TRMO: variants seen among roughly 807,000 people sequenced by gnomAD.
TRMO encodes the protein tRNA methyltransferase O.
A neutral mutation model predicts 37.2 loss-of-function variants in TRMO; 30 were observed. The observed-to-expected ratio is 0.81, with a 90% confidence interval of 0.60 to 1.09. The LOEUF is 1.09. Among genes scored for constraint, TRMO ranks in the 50% least tolerant of loss-of-function variants. The pLI is 0.00. For missense variants in TRMO, 552 were observed against 549.5 expected (o/e 1.00, Z -0.05); for synonymous variants, 239 against 199.4 (o/e 1.20, Z -1.67).
intron 3 of TRMO, chr9:97,911,533 G>C (rs1469193215): frequency 6.6e-6 from 1 of 152,240 alleles, no homozygotes; most frequent in Non-Finnish European, 1.5e-5. Flanking sequence ...AGTCTAGTGA[G>C]ACCTAAGCAG....
the TRMO span, among the ~76,000 whole-genome samples, chr9:97,899,215 C>T: frequency 3.3e-5 from 4 of 120,782 alleles, no homozygotes; most frequent in South Asian, 2.6e-4. Flanking sequence ...GAAGAGAAAG[C>T]GTACTAAAAA....
intron 1 of TRMO, among the ~76,000 whole-genome samples, chr9:97,921,423 ATTTTT>A (rs1205049397): frequency 1.4e-5 from 2 of 140,254 alleles, no homozygotes; most frequent in Non-Finnish European, 3.1e-5. Context: ...CAAAGTGTTA[ATTTTT>A]TTTTTTTTTT....
At chr9:97,919,139 A>C (rs1444767877) in intron 1 of TRMO, among the ~76,000 whole-genome samples, 2 of 152,080 alleles carry the variant, frequency 1.3e-5, no homozygotes, top group African/African-American at 2.4e-5. Context: ...TTTAATCCTC[A>C]TCCATGCTTC....
downstream of TRMO, among the ~76,000 whole-genome samples, chr9:97,902,239 T>C (rs918102415): frequency 2.6e-5 from 4 of 152,224 alleles, no homozygotes; most frequent in Non-Finnish European, 4.4e-5. Context: ...AGTGGGAACA[T>C]TGAAGAGACT....
intron 2 of TRMO, among the ~76,000 whole-genome samples, chr9:97,915,398 G>C (rs1366019702): frequency 6.6e-6 from 1 of 152,194 alleles, no homozygotes; most frequent in Non-Finnish European, 1.5e-5. Flanking sequence ...TGCTGCTATA[G>C]CACGAAAGCA....
chr9:97,902,493 G>T (rs951580587), downstream of TRMO, among the ~76,000 whole-genome samples: 11 of 152,118 alleles, frequency 7.2e-5, no homozygotes, highest in Non-Finnish European at 1.2e-4. Flanking sequence ...GTAGAGGTAG[G>T]GTTTCACCAT....
chr9:97,911,771 A>G (rs984874331), intron 3 of TRMO: 1 of 152,162 alleles, frequency 6.6e-6, no homozygotes, highest in African/African-American at 2.4e-5. Context: ...GATGCTGTCC[A>G]GTTACTGCTA....
chr9:97,910,235 G>A lies in TRMO; in HGVS notation c.791C>T (p.Ser264Phe). 2 of 1,614,180 alleles carry A rather than the reference G, an allele frequency of 1.2e-6. No individual in the cohort carries two copies. Among genetic ancestry groups the A allele is most frequent in the East Asian group, 2.2e-5 (1 of 44,888 alleles). The change falls in exon 4 of 5, where the codon TCC becomes TTC. Residue 264 changes from serine to phenylalanine, a missense_variant. By Grantham distance (155) the Ser-to-Phe change is radical. Coordinates refer to ENST00000375119, the MANE Select transcript of TRMO (RefSeq NM_016481.5). Reference sequence around the variant, plus strand: ...GCCAATTTGTTCTTCTGCCACGCTGGAACTCTGATCACGTCTTGATTCCAA... The same window carrying A: ...GCCAATTTGTTCTTCTGCCACGCTGAAACTCTGATCACGTCTTGATTCCAA... ...FGLESRRDQS[S>F]SVAEEQIGPY...
chr9:97,913,349 T>C (rs757769754), intron 3 of TRMO, 52 bp downstream of exon 3: 3 of 1,610,274 alleles, frequency 1.9e-6, no homozygotes, highest in Non-Finnish European at 2.5e-6. Flanking sequence ...GTTTATTTTA[T>C]AAGGCTTTTT....
chr9:97,898,119 CT>C, the TRMO span, among the ~76,000 whole-genome samples: 4 of 152,168 alleles, frequency 2.6e-5, no homozygotes, highest in Non-Finnish European at 5.9e-5. Context: ...CCCCCCTCCA[CT>C]GAAAAACAGA....
chr9:97,908,337 G>A (rs1181987464), intron 4 of TRMO, among the ~76,000 whole-genome samples: 12 of 151,378 alleles, frequency 7.9e-5, no homozygotes, highest in African/African-American at 1.7e-4. Flanking sequence ...GTGTGAACCC[G>A]GGAGGCGGAG....
At chr9:97,898,323 G>T in the TRMO span, among the ~76,000 whole-genome samples, 22 of 152,120 alleles carry the variant, frequency 1.4e-4, no homozygotes, top group Admixed American at 1.3e-4. Flanking sequence ...GACTTACCTA[G>T]ATCAGGAAAC....
rs777707868 is a variant in TRMO at position 97,910,350 on chromosome 9, T to C, written c.676A>G (p.Thr226Ala). ...KRKPKCPEDR[T>A]SEENYLTHSD... ...TGTGTCAGGTAGTTTTCTTCTGAAG[T>C]TCTGTCTTCAGGACATTTAGGTTTC... Residue 226 changes from threonine (T) to alanine (A), a missense_variant, in exon 4 of 5, where the codon ACT (threonine) becomes GCT (alanine). Transcript: ENST00000375119. The C allele has an allele frequency of 5.6e-6, 9 of 1,614,110 alleles. No individual in the cohort carries two copies. The highest frequency in any genetic ancestry group is 7.6e-6 in the Non-Finnish European group (9 of 1,180,020).
Position 97,910,452 on chromosome 9 carries a change from C to CA in TRMO, c.573dup (p.Asp192Ter), listed in dbSNP as rs977234325. On this transcript the variant is annotated frameshift_variant, in exon 4 of 5. Coordinates refer to ENST00000375119, the MANE Select transcript of TRMO (RefSeq NM_016481.5). LOFTEE classifies it high-confidence loss of function. ...TGGTCACAGCTGTCAGTCTTGCTGTCAGACTGGGACACAGTGTTTGGTGTA... is the reference window on the plus strand; with the variant it reads ...TGGTCACAGCTGTCAGTCTTGCTGTCAAGACTGGGACACAGTGTTTGGTGTA... 5.6e-6 allele frequency: 9 copies of CA among 1,613,960 alleles called. No homozygotes were observed. The highest frequency in any genetic ancestry group is 5.9e-6 in the Non-Finnish European group (7 of 1,179,958).
the TRMO span, among the ~76,000 whole-genome samples, chr9:97,896,868 C>G: frequency 4.6e-5 from 7 of 152,304 alleles, no homozygotes; most frequent in East Asian, 1.4e-3. Flanking sequence ...GAGTTCTAGA[C>G]ATTTTACTTT....
rs746015775 is a variant in TRMO at position 97,910,563 on chromosome 9, C to T, written c.463G>A (p.Asp155Asn). ...IDMIHGTPVL[D>N]IKPYIAEYDS... ...TACTCAGCTATGTAGGGCTTGATGTCTAGTACGGGTGTGCCATGTATCATG... is the reference window on the plus strand; with the variant it reads ...TACTCAGCTATGTAGGGCTTGATGTTTAGTACGGGTGTGCCATGTATCATG... The change falls in exon 4 of 5, where the codon GAC becomes AAC. Residue 155 changes from aspartate to asparagine, a missense_variant. Physicochemically the swap from Asp to Asn is conservative, Grantham distance 23. Transcript: ENST00000375119. 6.2e-7 allele frequency: 1 copy of T among 1,613,958 alleles called. No individual in the cohort carries two copies. The highest frequency in any genetic ancestry group is 2.2e-5 in the East Asian group (1 of 44,900).
chr9:97,910,706 C>A (rs934983219), intron 3 of TRMO, 90 bp from the exon 4 acceptor site: 12 of 1,403,942 alleles, frequency 8.5e-6, no homozygotes, highest in Admixed American at 6.0e-5. Flanking sequence ...TGTCTGCTTA[C>A]GCCTCACTGC....
At chr9:97,897,849 A>T in the TRMO span, among the ~76,000 whole-genome samples, 3 of 151,996 alleles carry the variant, frequency 2.0e-5, no homozygotes, top group South Asian at 4.2e-4. Context: ...ATCCTACTTT[A>T]AAAAATTTTT....
intron 1 of TRMO, among the ~76,000 whole-genome samples, chr9:97,916,705 CTTTT>C (rs555924368): frequency 4.8e-5 from 6 of 124,616 alleles, no homozygotes; most frequent in Non-Finnish European, 8.3e-5. Flanking sequence ...GTATTTCTTT[CTTTT>C]TTTTTTTTTT....
Sources: gnomAD v4.1 joint callset for allele counts (sites outside exome capture counted in the v4.1 genomes callset) on GRCh38, gnomAD v4.1.1 for gene constraint, MANE v1.5 for transcripts, NCBI Gene and HGNC (gene_info 2026-07-23, HGNC 2026-07-21) for gene names.